Variants in TEX9 observed in about 807,000 individuals in gnomAD.
TEX9 encodes the protein testis-expressed protein 9.
In TEX9, 74 loss-of-function variants were observed where a neutral mutation model predicts 59.6. The observed-to-expected ratio is 1.24, with a 90% CI of 1.03 to 1.51. The LOEUF (loss-of-function observed/expected upper bound fraction) is 1.51. TEX9 is among the 40% of genes most tolerant of loss of function. The pLI, the probability that TEX9 is intolerant of heterozygous loss-of-function variation, is 0.00. For synonymous variants in TEX9, 186 were observed against 152.2 expected (o/e 1.22, Z -1.64); for missense variants, 522 against 447.8 (o/e 1.17, Z -1.49).
chr15:56,425,770 T>C (rs2050207925), intron 10 of TEX9, among the ~76,000 whole-genome samples: 1 of 152,162 alleles, frequency 6.6e-6, no homozygotes, highest in African/African-American at 2.4e-5. Flanking sequence ...TGTTTCCCTG[T>C]TTCTTTGAAT....
At chr15:56,254,170 G>GA (rs1402735540) in intron 1 of TEX9, among the ~76,000 whole-genome samples, 1 of 152,036 alleles carries the variant, frequency 6.6e-6, no homozygotes, top group Non-Finnish European at 1.5e-5. Flanking sequence ...CAGGGGACAA[G>GA]AAAAATGCCG....
At chr15:56,373,484 C>A in exon 3 of TEX9, 1 of 1,573,800 alleles carries the variant, frequency 6.4e-7, no homozygotes. Context: ...TGACGTGGTT[C>A]AACAAGCTAA....
intron 3 of TEX9, 34 bp downstream of exon 3, chr15:56,373,538 T>G: frequency 6.7e-7 from 1 of 1,482,486 alleles, no homozygotes; most frequent in African/African-American, 1.5e-5. Context: ...TAATTCTATA[T>G]AAATGCTAGT....
At chr15:56,396,121 A>G (rs2048457508) in intron 9 of TEX9, 1 of 152,166 alleles carries the variant, frequency 6.6e-6, no homozygotes, top group African/African-American at 2.4e-5. Context: ...GCTTTGTAAA[A>G]TGTAGTGACG....
chr15:56,440,192 A>C (rs1004611944), intron 12 of TEX9, among the ~76,000 whole-genome samples: 10 of 152,200 alleles, frequency 6.6e-5, no homozygotes, highest in African/African-American at 2.4e-4. Context: ...ATTAGTCATC[A>C]GGAAAATGCA....
At chr15:56,373,987 A>G (rs1225512132) in intron 3 of TEX9, among the ~76,000 whole-genome samples, 1 of 152,110 alleles carries the variant, frequency 6.6e-6, no homozygotes, top group Admixed American at 6.5e-5. Context: ...GAAATGTATC[A>G]TATATAACAT....
At chr15:56,459,465 G>T in the TEX9 span, among the ~76,000 whole-genome samples, 1 of 152,018 alleles carries the variant, frequency 6.6e-6, no homozygotes, top group Non-Finnish European at 1.5e-5. Flanking sequence ...ATTATCTCTT[G>T]GGAATATATT....
At chr15:56,399,597 A>G (rs574035993) in intron 9 of TEX9, among the ~76,000 whole-genome samples, 1 of 152,344 alleles carries the variant, frequency 6.6e-6, no homozygotes, top group Admixed American at 6.5e-5. Context: ...GACAGGTCTG[A>G]AGGGAGCAGT....
intron 10 of TEX9, among the ~76,000 whole-genome samples, chr15:56,423,688 C>G (rs2050102093): frequency 6.6e-6 from 1 of 152,164 alleles, no homozygotes. Flanking sequence ...TCCCCCAACA[C>G]CCTGCACCAC....
chr15:56,394,013 C>A, intron 7 of TEX9, 152 bp from the exon 8 acceptor site: 1 of 545,562 alleles, frequency 1.8e-6, no homozygotes, highest in Non-Finnish European at 3.2e-6. Context: ...TTCATTAGGA[C>A]TGTTGAGTAC....
At chr15:56,408,900 A>C (rs1038312725) in intron 9 of TEX9, 15 of 152,312 alleles carry the variant, frequency 9.8e-5, no homozygotes, top group African/African-American at 3.6e-4. Context: ...AGTAATCCTT[A>C]TAAAATTTAA....
chr15:56,433,471 G>A (rs2050655281), intron 12 of TEX9, among the ~76,000 whole-genome samples: 1 of 151,720 alleles, frequency 6.6e-6, no homozygotes, highest in Non-Finnish European at 1.5e-5. Flanking sequence ...ATTTATTAGG[G>A]GTAGCCTTAA....
downstream of TEX9, chr15:56,447,525 C>T (rs531244219): frequency 6.6e-6 from 1 of 152,106 alleles, no homozygotes; most frequent in African/African-American, 2.4e-5. Flanking sequence ...AGGTATTTTT[C>T]ATATCCTTCT....
chr15:56,433,540 C>T (rs1334013398), intron 12 of TEX9, among the ~76,000 whole-genome samples: 10 of 152,156 alleles, frequency 6.6e-5, no homozygotes, highest in Non-Finnish European at 5.9e-5. Context: ...GTATCCTTAA[C>T]ATCTCTCGGG....
chr15:56,365,482 G>C lies in TEX9; in HGVS notation c.27+5G>C, dbSNP rs1382394709. 1 of 1,614,076 alleles carries C rather than the reference G, an allele frequency of 6.2e-7. No homozygotes were observed. Among genetic ancestry groups the C allele is most frequent in the East Asian group, 2.2e-5 (1 of 44,882 alleles). Reference sequence around the variant, plus strand: ...GGGCGAAGTCTGTGTCTCACGGTCAGTTCAACTCCAGGCTCCTGGGGAGCG... The same window carrying C: ...GGGCGAAGTCTGTGTCTCACGGTCACTTCAACTCCAGGCTCCTGGGGAGCG... On this transcript the variant is annotated splice_donor_5th_base_variant and intron_variant, in intron 1 of 12. Transcript: ENST00000352903.
At chr15:56,389,458 T>G in intron 6 of TEX9, 58 bp downstream of exon 6, 1 of 1,216,586 alleles carries the variant, frequency 8.2e-7, no homozygotes, top group Non-Finnish European at 1.2e-6. Flanking sequence ...CACAATACCA[T>G]CATTCTTAAT....
chr15:56,352,465 C>G lies in TEX9; in HGVS notation c.-106-20976C>G, dbSNP rs541061845. On this transcript the variant is annotated intron_variant, in intron 1 of 5. Transcript: ENST00000560827. ...ATGGTGTTTCACCATGTTGGCCAGG[C>G]TGGTCTTGAACTCCTGACCTCAGGC... Among the ~76,000 whole-genome samples, 25 of 151,854 alleles carry G rather than the reference C, an allele frequency of 1.6e-4. No individual in the cohort carries two copies. In the East Asian group the frequency reaches 4.6e-3, roughly 28 times the overall value.
chr15:56,246,475 G>T (rs549992796), intron 1 of TEX9, among the ~76,000 whole-genome samples: 1 of 152,282 alleles, frequency 6.6e-6, no homozygotes, highest in Admixed American at 6.5e-5. Context: ...ATGACATTAA[G>T]AAATCTGATG....
intron 1 of TEX9, among the ~76,000 whole-genome samples, chr15:56,330,554 A>G (rs8042687): frequency 6.6e-6 from 1 of 152,144 alleles, no homozygotes; most frequent in Non-Finnish European, 1.5e-5. Flanking sequence ...AAATTTTATT[A>G]GTTTTCTTTT....
Sources: gnomAD v4.1 joint callset for allele counts (sites outside exome capture counted in the v4.1 genomes callset) on GRCh38, gnomAD v4.1.1 for gene constraint, MANE v1.5 for transcripts, NCBI Gene and HGNC (gene_info 2026-07-23, HGNC 2026-07-21) for gene names.